The following CDON variants were observed in gnomAD, a reference collection of about 807,000 sequenced individuals.
The protein encoded by CDON is cell adhesion associated, oncogene regulated.
A neutral mutation model predicts 120.9 loss-of-function variants in CDON; 73 were observed. That is an observed-to-expected ratio of 0.60 (90% CI 0.50 to 0.73). The LOEUF (loss-of-function observed/expected upper bound fraction) is 0.73. Among genes scored for constraint, CDON ranks in the 30% least tolerant of loss-of-function variants. The probability of loss-of-function intolerance (pLI) is 0.00; values close to 1 mark genes in which losing one functional copy is unlikely to be tolerated. For missense variants in CDON, 1,470 were observed against 1,587.3 expected, an observed-to-expected ratio of 0.93 and a Z score of 1.26; for synonymous variants, 566 against 573.5, an observed-to-expected ratio of 0.99 and a Z score of 0.19.
At chr11:126,011,199 T>C (rs538076780) in intron 7 of CDON, among the ~76,000 whole-genome samples, 8 of 152,340 alleles carry the variant, frequency 5.3e-5, no homozygotes, top group South Asian at 4.1e-4. Flanking sequence ...CCTGTATGTT[T>C]TTTCCCATAG....
chr11:126,029,728 C>T (rs1469158579), intron 1 of CDON, among the ~76,000 whole-genome samples: 2 of 152,140 alleles, frequency 1.3e-5, no homozygotes, highest in African/African-American at 4.8e-5. Flanking sequence ...CTTCCATCTC[C>T]TTCCCATCTT....
rs1286507291 is a variant in CDON at position 126,017,080 on chromosome 11, C to T, written c.928+8G>A. 1 of 1,612,384 alleles carries T rather than the reference C, an allele frequency of 6.2e-7. No individual in the cohort carries two copies. Among genetic ancestry groups the T allele is most frequent in the Admixed American group, 1.7e-5 (1 of 59,942 alleles). On this transcript the variant is annotated splice_region_variant and intron_variant, in intron 6 of 19. Transcript: ENST00000531738. The stretch of plus-strand genomic sequence containing the variant: ...TCATTTGAAAAAAATTAAAAACTAA[C>T]ATCTTACCAAGTACATTAACCATGT...
At chr11:126,006,144 G>A in intron 8 of CDON, 87 bp from the exon 9 acceptor site, 1 of 1,213,174 alleles carries the variant, frequency 8.2e-7, no homozygotes, top group Non-Finnish European at 1.2e-6. Flanking sequence ...GCCCTCACTT[G>A]TATTGTTAGC....
At chr11:126,012,411 T>C (rs1192555904) in intron 7 of CDON, among the ~76,000 whole-genome samples, 3 of 152,146 alleles carry the variant, frequency 2.0e-5, no homozygotes, top group Non-Finnish European at 4.4e-5. Flanking sequence ...ACTGATTTTT[T>C]TTTTTTAAGA....
chr11:126,044,096 G>A (rs569286713), intron 1 of CDON, among the ~76,000 whole-genome samples: 9 of 152,304 alleles, frequency 5.9e-5, no homozygotes, highest in East Asian at 1.9e-4. Flanking sequence ...TTTATCTTCC[G>A]GTTCATGGCA....
At chr11:125,985,213 C>T (rs952367670) in intron 15 of CDON, among the ~76,000 whole-genome samples, 14 of 152,190 alleles carry the variant, frequency 9.2e-5, no homozygotes, top group Admixed American at 3.3e-4. Flanking sequence ...CTCACCCTGT[C>T]GCCCAGGCTG....
chr11:125,992,816 T>C (rs906636776), intron 14 of CDON, among the ~76,000 whole-genome samples: 1 of 152,238 alleles, frequency 6.6e-6, no homozygotes, highest in African/African-American at 2.4e-5. Context: ...AGAAGTCATA[T>C]GGAAAATAAC....
At chr11:126,056,343 A>T (rs1948679842) in intron 1 of CDON, among the ~76,000 whole-genome samples, 1 of 152,164 alleles carries the variant, frequency 6.6e-6, no homozygotes, top group South Asian at 2.1e-4. Context: ...AATCCTGACC[A>T]CGGATGGTCT....
intron 1 of CDON, among the ~76,000 whole-genome samples, chr11:126,027,988 T>A (rs1565539882): frequency 1.4e-5 from 2 of 145,010 alleles, no homozygotes; most frequent in Admixed American, 1.4e-4. Flanking sequence ...TTTTTTTTTT[T>A]ACTTTAGGGT....
intron 11 of CDON, among the ~76,000 whole-genome samples, chr11:125,998,823 C>T (rs545937540): frequency 2.4e-4 from 36 of 152,234 alleles, no homozygotes; most frequent in Admixed American, 1.5e-3. Flanking sequence ...GATCTTTTGG[C>T]ATGCTGACAA....
intron 1 of CDON, among the ~76,000 whole-genome samples, chr11:126,058,305 T>G (rs1245621558): frequency 1.3e-5 from 2 of 152,188 alleles, no homozygotes; most frequent in African/African-American, 2.4e-5. Context: ...TTGGGCTAGT[T>G]TTTTTATTCT....
intron 14 of CDON, among the ~76,000 whole-genome samples, chr11:125,993,809 A>G (rs1196222033): frequency 3.3e-5 from 5 of 152,248 alleles, no homozygotes; most frequent in African/African-American, 1.2e-4. Flanking sequence ...AGTAAAAAAA[A>G]GCAGTTTCAA....
At chr11:125,961,608 A>G (rs1565485507) in intron 19 of CDON, 116 bp downstream of exon 19, 1 of 1,434,336 alleles carries the variant, frequency 7.0e-7, no homozygotes, top group African/African-American at 1.4e-5. Context: ...CCAGTCTCCC[A>G]AGAAATATGT....
At position 126,005,910 on chromosome 11, in the gene CDON, G is replaced by A. The variant is rs1343425576; in HGVS notation, c.1700C>T (p.Pro567Leu). 5.0e-6 allele frequency: 8 copies of A among 1,614,134 alleles called. No homozygotes were observed. The highest frequency in any genetic ancestry group is 6.8e-6 in the Non-Finnish European group (8 of 1,180,014). Reference sequence around the variant, plus strand: ...AGAGATGCCGCTGGCGTTTTTCTCTGGTGCTGATTCCACTGCACTGGGATG... The same window carrying A: ...AGAGATGCCGCTGGCGTTTTTCTCTAGTGCTGATTCCACTGCACTGGGATG... ...KVHPSAVESA[P>L]EKNASGISVP... Residue 567 changes from proline to leucine, a missense_variant, in exon 9 of 20, where the codon CCA (proline) becomes CTA (leucine). Transcript: ENST00000531738.
intron 11 of CDON, among the ~76,000 whole-genome samples, chr11:126,000,515 G>C (rs1946911766): frequency 6.6e-6 from 1 of 152,178 alleles, no homozygotes; most frequent in Non-Finnish European, 1.5e-5. Context: ...ACCATGCTAG[G>C]CCTATATTGT....
chr11:125,957,408 G>A lies in CDON; in HGVS notation c.*3534C>T, dbSNP rs1468425557. 2.0e-5 allele frequency: 3 copies of A among 152,140 alleles called. No homozygotes were observed. The highest frequency in any genetic ancestry group is 7.2e-5 in the African/African-American group (3 of 41,422). The allele number at this position is 152,140 out of a possible 1,614,324, so 9.4% of individuals were successfully genotyped here. The stretch of plus-strand genomic sequence containing the variant: ...ACCCCAATCACAAACTATAAGCAGC[G>A]TTGTACAAACAGGGAGTATTCCCAC... On this transcript the variant is annotated 3_prime_UTR_variant, in exon 20 of 20. Coordinates refer to ENST00000531738, the MANE Select transcript of CDON (RefSeq NM_001378964.1).
At chr11:126,032,494 G>A (rs1295674077) in intron 1 of CDON, among the ~76,000 whole-genome samples, 2 of 152,112 alleles carry the variant, frequency 1.3e-5, no homozygotes, top group South Asian at 4.1e-4. Flanking sequence ...AAAGTGTTTG[G>A]CTTTTATTCT....
chr11:125,995,895 A>G (rs566458361), intron 12 of CDON, among the ~76,000 whole-genome samples: 432 of 152,376 alleles, frequency 2.8e-3, no homozygotes, highest in Non-Finnish European at 4.7e-3. Flanking sequence ...AAAAATTGCC[A>G]TGAAACCTAA....
At chr11:125,988,732 G>A (rs367826464) in intron 15 of CDON, among the ~76,000 whole-genome samples, 7 of 152,056 alleles carry the variant, frequency 4.6e-5, no homozygotes, top group East Asian at 3.8e-4. Context: ...TCTTAAAGAC[G>A]GCAACATTTG....
Sources: allele counts gnomAD v4.1 joint callset (sites outside exome capture counted in the v4.1 genomes callset), GRCh38; gene constraint gnomAD v4.1.1; transcripts MANE v1.5; gene names NCBI Gene and HGNC (gene_info 2026-07-23, HGNC 2026-07-21).